PTPRQ: variants seen among roughly 807,000 people sequenced by gnomAD.
PTPRQ encodes protein tyrosine phosphatase receptor type Q, also known as phosphatidylinositol phosphatase PTPRQ.
A neutral mutation model predicts 246.0 loss-of-function variants in PTPRQ; 199 were observed. The observed-to-expected ratio is 0.81, with a 90% CI of 0.72 to 0.91. The LOEUF is 0.91. Ranked by LOEUF, PTPRQ falls within the 40% of genes least tolerant of loss-of-function variation. PTPRQ has a pLI of 0.00. For synonymous variants in PTPRQ, 869 were observed against 853.2 expected (o/e 1.02, Z -0.32); for missense variants, 2,624 against 2,528.4 (o/e 1.04, Z -0.81).
intron 17 of PTPRQ, among the ~76,000 whole-genome samples, chr12:80,516,246 G>C (rs1322327470): frequency 6.6e-6 from 1 of 152,122 alleles, no homozygotes; most frequent in Non-Finnish European, 1.5e-5. Context: ...TTTTAGATGT[G>C]TCAGTAAAAT....
chr12:80,616,826 A>G lies in PTPRQ; in HGVS notation c.5230+560A>G, dbSNP rs189727372. 2.0e-3 allele frequency among the ~76,000 whole-genome samples: 307 copies of G among 151,344 alleles called. 1 individual carries two copies. Among genetic ancestry groups the G allele is most frequent in the African/African-American group, 6.9e-3 (288 of 41,454 alleles). On this transcript the variant is annotated intron_variant, in intron 30 of 44. Transcript: ENST00000644991. ...TCATCCTTTCAAAATAAAACAAACA[A>G]ACAAACCATGAAACCCAAAAAAGAT...
chr12:80,672,124 C>T (rs545771985), intron 42 of PTPRQ, among the ~76,000 whole-genome samples: 7 of 151,870 alleles, frequency 4.6e-5, no homozygotes, highest in Non-Finnish European at 1.0e-4. Flanking sequence ...CCTGATTCAT[C>T]TTTTTTTCAG....
At chr12:80,463,399 C>G (rs564548375) in intron 6 of PTPRQ, among the ~76,000 whole-genome samples, 1 of 152,300 alleles carries the variant, frequency 6.6e-6, no homozygotes, top group East Asian at 1.9e-4. Flanking sequence ...GATTGGTATA[C>G]CTGAAAGTGA....
intron 26 of PTPRQ, among the ~76,000 whole-genome samples, chr12:80,590,836 T>C (rs1004029130): frequency 1.3e-5 from 2 of 152,130 alleles, no homozygotes; most frequent in African/African-American, 4.8e-5. Context: ...CCACTCATAC[T>C]AGACATTTTT....
chr12:80,472,388 C>T, intron 8 of PTPRQ, 137 bp downstream of exon 8: 2 of 1,226,394 alleles, frequency 1.6e-6, no homozygotes, highest in Non-Finnish European at 2.3e-6. Context: ...CTACCTAATT[C>T]ATTCTGAACA....
Position 80,679,524 on chromosome 12 carries a change from TATC to T in PTPRQ, c.*505_*507del, listed in dbSNP as rs1901251257. 1 of 152,302 alleles carries T rather than the reference TATC, an allele frequency of 6.6e-6. No individual in the cohort carries two copies. The highest frequency in any genetic ancestry group is 6.6e-5 in the Admixed American group (1 of 15,246). 9.4% of individuals were successfully genotyped at this position (152,302 alleles called of 1,614,324 possible). ...ATCCTCTGTTTTATGAGTGCTGAGA[TATC>T]ATCTCATGATCCCGAACAGCTGAAC... is the stretch of plus-strand genomic sequence containing the variant. On this transcript the variant is annotated 3_prime_UTR_variant, in exon 45 of 45. Coordinates refer to ENST00000644991, the MANE Select transcript of PTPRQ (RefSeq NM_001145026.2).
intron 33 of PTPRQ, among the ~76,000 whole-genome samples, chr12:80,625,271 CA>C (rs1296005842): frequency 5.3e-5 from 8 of 152,054 alleles, no homozygotes; most frequent in Admixed American, 1.3e-4. Flanking sequence ...GAATCATTTG[CA>C]GCAGGCTAGG....
At chr12:80,643,293 C>G (rs1184165445) in intron 35 of PTPRQ, among the ~76,000 whole-genome samples, 1 of 151,922 alleles carries the variant, frequency 6.6e-6, no homozygotes, top group Non-Finnish European at 1.5e-5. Flanking sequence ...CAAAAATTAG[C>G]CAGGCATAGT....
intron 33 of PTPRQ, among the ~76,000 whole-genome samples, chr12:80,623,730 T>G (rs1899085202): frequency 6.6e-6 from 1 of 152,142 alleles, no homozygotes; most frequent in Admixed American, 6.6e-5. Context: ...TTGTCTTTCA[T>G]CAACTTACTG....
chr12:80,476,321 A>T (rs546860530), intron 8 of PTPRQ, among the ~76,000 whole-genome samples: 3 of 152,280 alleles, frequency 2.0e-5, no homozygotes, highest in African/African-American at 7.2e-5. Flanking sequence ...CATGAGCTCT[A>T]GGTACAATAT....
In PTPRQ at chr12:80,506,652, A is replaced by G. The variant is rs1397290953; in HGVS notation, c.2539A>G (p.Ile847Val). ...AGGAGTTCGGAGTGCTCCCATAAGT[A>G]TACTGACGGAGGAAGATGGTAAATA... Reference protein sequence around the residue: ...GEGVRSAPISILTEEDAPDSP... With the variant: ...GEGVRSAPISVLTEEDAPDSP... Residue 847 changes from isoleucine (I) to valine (V), a missense_variant, in exon 16 of 45, where the codon ATA becomes GTA. Ile to Val is a conservative substitution (Grantham distance 29). Transcript: ENST00000644991. 1.3e-6 allele frequency: 2 copies of G among 1,541,908 alleles called. No individual in the cohort carries two copies. The highest frequency in any genetic ancestry group is 8.8e-7 in the Non-Finnish European group (1 of 1,141,034).
chr12:80,523,474 T>C (rs1224153046), intron 17 of PTPRQ, among the ~76,000 whole-genome samples: 1 of 152,214 alleles, frequency 6.6e-6, no homozygotes, highest in African/African-American at 2.4e-5. Flanking sequence ...CAATTTTAGA[T>C]CTTTCCTGCT....
At chr12:80,453,110 T>C (rs1892830265) in intron 3 of PTPRQ, among the ~76,000 whole-genome samples, 1 of 152,158 alleles carries the variant, frequency 6.6e-6, no homozygotes, top group Non-Finnish European at 1.5e-5. Context: ...CTTCATTTCA[T>C]TCATTTCATC....
At chr12:80,450,591 T>C (rs1465835881) in intron 3 of PTPRQ, among the ~76,000 whole-genome samples, 12 of 151,816 alleles carry the variant, frequency 7.9e-5, no homozygotes, top group Admixed American at 6.6e-4. Flanking sequence ...GCATGAAGCA[T>C]TGTTGAATTT....
At position 80,652,796 on chromosome 12, in the gene PTPRQ, G is replaced by A; in HGVS notation, c.6077G>A (p.Trp2026Ter). The change falls in exon 38 of 45, where the codon TGG (tryptophan) becomes TAG (stop). Residue 2026 changes from tryptophan (W) to a stop codon, truncating the protein, a stop_gained. Transcript: ENST00000644991. LOFTEE classifies it high-confidence loss of function. ...TCTTCAACTGATGCTGATCTGCCTT[G>A]GAATAGAGCAAAAAACCGCTTCCCA... The part of the protein sequence containing the change: ...DLSSTDADLP[W>*]NRAKNRFPNI... 1 of 1,512,504 alleles carries A rather than the reference G, an allele frequency of 6.6e-7. No homozygotes were observed. Among genetic ancestry groups the A allele is most frequent in the African/African-American group, 1.4e-5 (1 of 71,008 alleles). The allele number at this position is 1,512,504 out of a possible 1,614,324, so 93.7% of individuals were successfully genotyped here. A position where few individuals can be genotyped will look rare whatever the true frequency, so the allele number is the denominator to read the frequency against.
chr12:80,621,827 C>T (rs1048695650), intron 32 of PTPRQ, among the ~76,000 whole-genome samples: 1 of 151,866 alleles, frequency 6.6e-6, no homozygotes, highest in Non-Finnish European at 1.5e-5. Context: ...ACGAGTTTAC[C>T]AAATTTTTAG....
chr12:80,526,271 T>A (rs1278199972), intron 17 of PTPRQ, among the ~76,000 whole-genome samples: 1 of 152,210 alleles, frequency 6.6e-6, no homozygotes, highest in Admixed American at 6.6e-5. Context: ...GAGGCTAGAT[T>A]TGGGAGCTAA....
At chr12:80,463,558 A>G (rs912562822) in intron 6 of PTPRQ, among the ~76,000 whole-genome samples, 1 of 152,066 alleles carries the variant, frequency 6.6e-6, no homozygotes, top group African/African-American at 2.4e-5. Flanking sequence ...TCTAAGACAC[A>G]TAATTGTCAG....
intron 9 of PTPRQ, among the ~76,000 whole-genome samples, chr12:80,492,140 T>C (rs968952084): frequency 9.2e-5 from 14 of 151,924 alleles, no homozygotes; most frequent in Non-Finnish European, 1.9e-4. Flanking sequence ...TAAGCCTCCA[T>C]ATACCTGCCA....
Sources: allele counts gnomAD v4.1 joint callset (sites outside exome capture counted in the v4.1 genomes callset), GRCh38; gene constraint gnomAD v4.1.1; transcripts MANE v1.5; gene names NCBI Gene and HGNC (gene_info 2026-07-23, HGNC 2026-07-21).